AFG2A: variants seen among roughly 807,000 people sequenced by gnomAD.
The protein encoded by AFG2A is AAA ATPase AFG2A, also known as ATPase family gene 2 protein homolog A.
At chr4:123,230,320 G>A in the AFG2A span, among the ~76,000 whole-genome samples, 3 of 151,962 alleles carry the variant, frequency 2.0e-5, no homozygotes, top group Admixed American at 6.6e-5. Context: ...TTTCAGTAAG[G>A]TTCACAGCGT....
At chr4:123,171,916 G>A in the AFG2A span, among the ~76,000 whole-genome samples, 2 of 151,814 alleles carry the variant, frequency 1.3e-5, no homozygotes, top group Non-Finnish European at 2.9e-5. Context: ...TAATTTGGAA[G>A]TCTCCATTCT....
the AFG2A span, among the ~76,000 whole-genome samples, chr4:123,007,575 TG>T: frequency 1.8e-3 from 7 of 3,820 alleles, no homozygotes; most frequent in Admixed American, 2.5e-3. Context: ...TATATGTGTG[TG>T]TGTGTGTGTG....
At chr4:123,224,117 A>G in the AFG2A span, among the ~76,000 whole-genome samples, 2 of 152,022 alleles carry the variant, frequency 1.3e-5, no homozygotes, top group Non-Finnish European at 2.9e-5. Context: ...TAAGGGTCCA[A>G]TTTCATTGTT....
the AFG2A span, among the ~76,000 whole-genome samples, chr4:123,074,933 A>G: frequency 6.6e-6 from 1 of 152,174 alleles, no homozygotes; most frequent in Middle Eastern, 3.4e-3. Context: ...GCTTTTCTCA[A>G]TTGTTCCATC....
the AFG2A span, among the ~76,000 whole-genome samples, chr4:123,232,022 A>G: frequency 6.6e-6 from 1 of 152,016 alleles, no homozygotes; most frequent in Non-Finnish European, 1.5e-5. Context: ...AAATGTTGCA[A>G]AATTACCAAA....
chr4:123,230,344 A>C, the AFG2A span, among the ~76,000 whole-genome samples: 11 of 152,046 alleles, frequency 7.2e-5, no homozygotes, highest in African/African-American at 2.4e-4. Context: ...CACCAGGAGT[A>C]GATTTCATCG....
At chr4:123,194,560 C>T in the AFG2A span, among the ~76,000 whole-genome samples, 3 of 152,040 alleles carry the variant, frequency 2.0e-5, no homozygotes, top group African/African-American at 2.4e-5. Context: ...TGAGGAAAAG[C>T]AAATCTGTCT....
the AFG2A span, among the ~76,000 whole-genome samples, chr4:123,079,832 C>G: frequency 6.8e-6 from 1 of 146,706 alleles, no homozygotes; most frequent in African/African-American, 2.6e-5. Context: ...TCACTGCAAC[C>G]TCCGCTTCCT....
chr4:123,015,739 C>T, the AFG2A span, among the ~76,000 whole-genome samples: 1 of 150,422 alleles, frequency 6.6e-6, no homozygotes, highest in South Asian at 2.1e-4. Flanking sequence ...CAGAGGGGCT[C>T]CTCACTTCCC....
the AFG2A span, chr4:123,057,365 C>A: frequency 7.0e-7 from 1 of 1,430,158 alleles, no homozygotes; most frequent in Non-Finnish European, 9.7e-7. Flanking sequence ...GTATAAATAG[C>A]ATTTTGTATA....
At chr4:123,017,445 T>G in the AFG2A span, among the ~76,000 whole-genome samples, 19 of 90,562 alleles carry the variant, frequency 2.1e-4, no homozygotes, top group Non-Finnish European at 4.1e-4. Flanking sequence ...TTTTTTTTTT[T>G]TTTGCTTTTC....
the AFG2A span, among the ~76,000 whole-genome samples, chr4:123,170,419 T>A: frequency 6.6e-6 from 1 of 152,226 alleles, no homozygotes; most frequent in South Asian, 2.1e-4. Context: ...GAGATAAGTA[T>A]AACAGTTTAC....
chr4:123,009,835 T>C, the AFG2A span, among the ~76,000 whole-genome samples: 5 of 152,218 alleles, frequency 3.3e-5, no homozygotes, highest in African/African-American at 1.2e-4. Context: ...TTTAATTATC[T>C]AATTTAAAAA....
At chr4:123,248,125 G>A in the AFG2A span, among the ~76,000 whole-genome samples, 1 of 151,882 alleles carries the variant, frequency 6.6e-6, no homozygotes, top group South Asian at 2.1e-4. Context: ...AAAGTATCTT[G>A]TGGGTAGTTA....
chr4:123,152,267 A>G, the AFG2A span, among the ~76,000 whole-genome samples: 2 of 152,208 alleles, frequency 1.3e-5, no homozygotes, highest in African/African-American at 4.8e-5. Flanking sequence ...AAACCTGCAC[A>G]TTCTGCACAC....
chr4:123,077,004 G>T, the AFG2A span, among the ~76,000 whole-genome samples: 2 of 150,566 alleles, frequency 1.3e-5, no homozygotes, highest in African/African-American at 4.9e-5. Context: ...GGGTTGTGTG[G>T]TGTGTGCATG....
the AFG2A span, among the ~76,000 whole-genome samples, chr4:122,984,610 A>G: frequency 2.0e-5 from 3 of 152,152 alleles, no homozygotes; most frequent in Non-Finnish European, 4.4e-5. Flanking sequence ...CTTTTATTAC[A>G]TTAAGGTATG....
chr4:123,268,575 T>C, the AFG2A span, among the ~76,000 whole-genome samples: 1 of 152,210 alleles, frequency 6.6e-6, no homozygotes, highest in Non-Finnish European at 1.5e-5. Context: ...CACAAATTTA[T>C]CAACAGCAGA....
chr4:123,150,150 A>G, the AFG2A span, among the ~76,000 whole-genome samples: 1 of 152,178 alleles, frequency 6.6e-6, no homozygotes, highest in African/African-American at 2.4e-5. Context: ...TATTCATGAC[A>G]AACCCACAGC....
Sources: allele counts gnomAD v4.1 joint callset (sites outside exome capture counted in the v4.1 genomes callset), GRCh38; gene constraint gnomAD v4.1.1; transcripts MANE v1.5; gene names NCBI Gene and HGNC (gene_info 2026-07-23, HGNC 2026-07-21).